The following C2orf49 variants were observed in gnomAD, a reference collection of about 807,000 sequenced individuals.
C2orf49 encodes the protein tRNA-splicing ligase complex subunit ASW.
In C2orf49, 11 loss-of-function variants were observed where a neutral mutation model predicts 20.6. The ratio of observed to expected loss-of-function variants is 0.53; its 90% confidence interval spans 0.34 to 0.88. The LOEUF (loss-of-function observed/expected upper bound fraction) is 0.88, where lower values mean the gene tolerates loss of function less well. C2orf49 is among the 40% of genes least tolerant of loss of function. C2orf49 has a pLI of 0.02. For missense variants in C2orf49, 289 were observed against 274.2 expected (o/e 1.05, Z -0.38); for synonymous variants, 134 against 108.5 (o/e 1.24, Z -1.46).
the C2orf49 span, among the ~76,000 whole-genome samples, chr2:105,354,373 A>G: frequency 6.6e-6 from 1 of 152,142 alleles, no homozygotes; most frequent in Non-Finnish European, 1.5e-5. Context: ...TAAGCATTTT[A>G]TTATACCCTG....
At chr2:105,340,964 AT>A (rs1679649666) in intron 2 of C2orf49, among the ~76,000 whole-genome samples, 1 of 152,256 alleles carries the variant, frequency 6.6e-6, no homozygotes, top group Admixed American at 6.5e-5. Context: ...AATGATTGAG[AT>A]TATTCTCCAA....
chr2:105,363,403 G>T, the C2orf49 span: 1 of 1,613,718 alleles, frequency 6.2e-7, no homozygotes, highest in South Asian at 1.1e-5. Flanking sequence ...GCTTCCTGCA[G>T]GCGGTGCACA....
chr2:105,373,495 A>AGAGGAACGTGCAC, the C2orf49 span: 343 of 1,571,812 alleles, frequency 2.2e-4, no homozygotes, highest in Non-Finnish European at 2.9e-4. Flanking sequence ...ACAGGGGGTC[A>AGAGGAACGTGCAC]GAGGAACGTG....
At chr2:105,367,772 T>G in the C2orf49 span, 4 of 1,601,952 alleles carry the variant, frequency 2.5e-6, no homozygotes, top group Non-Finnish European at 8.5e-7. Context: ...CACAGCAGAG[T>G]TATGGTTAGA....
Position 105,343,094 on chromosome 2 carries a change from T to C in C2orf49, c.513T>C (p.Ala171=). The part of the protein sequence containing the change: ...NNKTEHNNND[A]KQNHDLTHRK... ...AAACGGAACACAATAATAATGACGCTAAACAGAACCATGACTTAACGCATA... is the reference window on the plus strand; with the variant it reads ...AAACGGAACACAATAATAATGACGCCAAACAGAACCATGACTTAACGCATA... The change falls in exon 3 of 4, where the codon GCT becomes GCC. Residue 171 remains alanine, a synonymous_variant. Coordinates refer to ENST00000258457, the MANE Select transcript of C2orf49 (RefSeq NM_024093.3). 3 of 1,614,246 alleles carry C rather than the reference T, an allele frequency of 1.9e-6. No homozygotes were observed. The highest frequency in any genetic ancestry group is 1.3e-5 in the African/African-American group (1 of 75,054).
At chr2:105,362,050 A>G in the C2orf49 span, among the ~76,000 whole-genome samples, 2 of 152,224 alleles carry the variant, frequency 1.3e-5, no homozygotes, top group African/African-American at 4.8e-5. Flanking sequence ...TGCCACAATA[A>G]CCACAATTCA....
At chr2:105,362,657 C>A in the C2orf49 span, among the ~76,000 whole-genome samples, 1 of 152,174 alleles carries the variant, frequency 6.6e-6, no homozygotes, top group Admixed American at 6.5e-5. Context: ...ATTTGTGTAG[C>A]GATATGTGGT....
chr2:105,343,173 ACTC>A lies in C2orf49; in HGVS notation c.594_596del (p.Pro199del), dbSNP rs1679719578. 6.2e-7 allele frequency: 1 copy of A among 1,612,378 alleles called. No homozygotes were observed. Among genetic ancestry groups the A allele is most frequent in the Non-Finnish European group, 8.5e-7 (1 of 1,179,494 alleles). ...GCCACCATTGTCCCCTGTTGGAACT[ACTC>A]CAGTGAAGTTAAAGAGAGCTGCTCC... is the stretch of plus-strand genomic sequence containing the variant. On this transcript the variant is annotated inframe_deletion, in exon 3 of 4. Transcript: ENST00000258457.
chr2:105,343,274 A>G (rs1192560709), intron 3 of C2orf49, 51 bp downstream of exon 3: 2 of 1,512,826 alleles, frequency 1.3e-6, no homozygotes, highest in Admixed American at 2.2e-5. Context: ...ATGAAACTTG[A>G]GCAGTCTGCC....
At position 105,346,654 on chromosome 2, in the gene C2orf49, T is replaced by C. The variant is rs1679820045; in HGVS notation, c.*1283T>C. 1 of 152,140 alleles carries C rather than the reference T, an allele frequency of 6.6e-6. No individual in the cohort carries two copies. The highest frequency in any genetic ancestry group is 6.5e-5 in the Admixed American group (1 of 15,272). 9.4% of individuals were successfully genotyped at this position (152,140 alleles called of 1,614,324 possible). ...AATTAGCGTAATATGGAGTAGGCAATAGAGGAGCTACTGGAGTCAGAAGTC... is the reference window on the plus strand; with the variant it reads ...AATTAGCGTAATATGGAGTAGGCAACAGAGGAGCTACTGGAGTCAGAAGTC... On this transcript the variant is annotated 3_prime_UTR_variant, in exon 4 of 4. Coordinates refer to ENST00000258457, the MANE Select transcript of C2orf49 (RefSeq NM_024093.3).
the C2orf49 span, among the ~76,000 whole-genome samples, chr2:105,385,585 A>G: frequency 6.6e-6 from 1 of 152,248 alleles, no homozygotes; most frequent in African/African-American, 2.4e-5. Context: ...CACGGCACTC[A>G]GGATGACAGC....
chr2:105,361,707 G>A, the C2orf49 span, among the ~76,000 whole-genome samples: 1 of 152,160 alleles, frequency 6.6e-6, no homozygotes, highest in South Asian at 2.1e-4. Flanking sequence ...TTTGTTATGT[G>A]TTTTCCCACA....
chr2:105,339,449 T>C, intron 1 of C2orf49, 134 bp from the exon 2 acceptor site: 1 of 725,768 alleles, frequency 1.4e-6, no homozygotes, highest in Non-Finnish European at 2.2e-6. Flanking sequence ...TGTCTCTAAG[T>C]GCGCGTGTTA....
the C2orf49 span, chr2:105,363,443 C>T: frequency 2.5e-3 from 4,062 of 1,611,134 alleles, 87 homozygotes; most frequent in African/African-American, 0.047. Context: ...GGGCTGCTCC[C>T]GGTAAGTGAC....
the C2orf49 span, among the ~76,000 whole-genome samples, chr2:105,366,551 T>C: frequency 0.057 from 8,695 of 152,168 alleles, 822 homozygotes; most frequent in African/African-American, 0.2. Context: ...CTGGAAGCTA[T>C]AGCATAATAA....
chr2:105,377,400 G>A, the C2orf49 span, among the ~76,000 whole-genome samples: 1 of 152,284 alleles, frequency 6.6e-6, no homozygotes, highest in Non-Finnish European at 1.5e-5. Flanking sequence ...GGAGGCCGAG[G>A]CAGGCGGATC....
In C2orf49 at chr2:105,342,828, G is replaced by A. The variant is rs767677805; in HGVS notation, c.267-20G>A. 1.9e-6 allele frequency: 3 copies of A among 1,592,424 alleles called. No homozygotes were observed. Among genetic ancestry groups the A allele is most frequent in the South Asian group, 2.2e-5 (2 of 89,022 alleles). On this transcript the variant is annotated intron_variant, in intron 2 of 3. Coordinates refer to ENST00000258457, the MANE Select transcript of C2orf49 (RefSeq NM_024093.3). ...CCGTTCCAGATGGTATTTTTCAAGA[G>A]TGCATCTCTTTGATTTCAGGAGTAG...
chr2:105,373,399 T>C, the C2orf49 span: 9 of 719,738 alleles, frequency 1.3e-5, no homozygotes, highest in East Asian at 2.2e-4. Context: ...TGTATGTCCC[T>C]GCTTCGTAAG....
the C2orf49 span, among the ~76,000 whole-genome samples, chr2:105,365,585 A>C: frequency 6.6e-6 from 1 of 152,044 alleles, no homozygotes; most frequent in South Asian, 2.1e-4. Context: ...CTAAAATAAA[A>C]GCAGGAATGA....
Sources: allele counts gnomAD v4.1 joint callset (sites outside exome capture counted in the v4.1 genomes callset), GRCh38; gene constraint gnomAD v4.1.1; transcripts MANE v1.5; gene names NCBI Gene and HGNC (gene_info 2026-07-23, HGNC 2026-07-21).